The following BRAF variants were observed in gnomAD, a reference collection of about 807,000 sequenced individuals.
BRAF encodes B-Raf proto-oncogene, serine/threonine kinase, also known as serine/threonine-protein kinase B-raf.
Under a neutral mutation model 104.6 loss-of-function variants are expected in BRAF, and 16 were observed. That is an observed-to-expected ratio of 0.15 (90% CI 0.10 to 0.23). The LOEUF is 0.23. Among genes scored for constraint, BRAF ranks in the 10% least tolerant of loss-of-function variants. BRAF has a pLI of 1.00. For missense variants in BRAF, 541 were observed against 937.3 expected (o/e 0.58, Z 5.52); for synonymous variants, 310 against 341.6 (o/e 0.91, Z 1.02).
At position 140,739,958 on chromosome 7, in the gene BRAF, A is replaced by G. The variant is rs984889160; in HGVS notation, c.2113-12T>C. The G allele has an allele frequency of 1.2e-6, 2 of 1,612,092 alleles. No individual in the cohort carries two copies. The highest frequency in any genetic ancestry group is 1.7e-5 in the Admixed American group (1 of 59,982). Reference sequence around the variant, plus strand: ...ACCATAAAAATTATCTGGAGAGAGAAAAAAAAGGGAAATAATTCAACCTTG... The same window carrying G: ...ACCATAAAAATTATCTGGAGAGAGAGAAAAAAGGGAAATAATTCAACCTTG... On this transcript the variant is annotated splice_polypyrimidine_tract_variant and intron_variant, in intron 17 of 19. Coordinates refer to ENST00000644969, the MANE Select transcript of BRAF (RefSeq NM_001374258.1).
chr7:140,893,854 G>C lies in BRAF; in HGVS notation c.138+30712C>G, dbSNP rs551473143. ...ACTGAAAAAACAAAATTGAAGAACA[G>C]ATGAAATGGGAGATGAGGCAGGAGG... is the stretch of plus-strand genomic sequence containing the variant. On this transcript the variant is annotated intron_variant, in intron 1 of 19. Coordinates refer to ENST00000644969, the MANE Select transcript of BRAF (RefSeq NM_001374258.1). Among the ~76,000 whole-genome samples the C allele has an allele frequency of 7.9e-5, 12 of 152,228 alleles. No individual in the cohort carries two copies. The South Asian group carries it at 1.5e-3, about 18-fold the overall frequency.
At chr7:140,810,582 A>G (rs1804152910) in intron 3 of BRAF, among the ~76,000 whole-genome samples, 1 of 152,118 alleles carries the variant, frequency 6.6e-6, no homozygotes. Flanking sequence ...ACAAACAAAG[A>G]AAAACCCTGA....
In BRAF at chr7:140,722,953, A is replaced by G; in HGVS notation, c.*3541T>C. 2 of 1,054,812 alleles carry G rather than the reference A, an allele frequency of 1.9e-6. No homozygotes were observed. Among genetic ancestry groups the G allele is most frequent in the African/African-American group, 3.3e-5 (2 of 60,564 alleles). 65.3% of individuals were successfully genotyped at this position (1,054,812 alleles called of 1,614,324 possible). A position where few individuals can be genotyped will look rare whatever the true frequency, so the allele number is the denominator to read the frequency against. ...GCTTAAATGTATAATGCCCTTTAGG[A>G]CAAAATGAGAGTGCTCAAATACAAG... is the stretch of plus-strand genomic sequence containing the variant. On this transcript the variant is annotated 3_prime_UTR_variant, in exon 20 of 20. Coordinates refer to ENST00000644969, the MANE Select transcript of BRAF (RefSeq NM_001374258.1).
In BRAF at chr7:140,924,426, G is replaced by T. The variant is rs1818630314; in HGVS notation, c.138+140C>A. On this transcript the variant is annotated intron_variant, in intron 1 of 19. Transcript: ENST00000644969. This position sits in a 1 kb window ranked among gnomAD's most constrained non-coding sequence, Gnocchi z 4.2. ...TGACGGAGAGGGACACGGGGGCGAT[G>T]CCCACCTCCCAGCCCGCGGAGCTGG... 1 of 1,268,044 alleles carries T rather than the reference G, an allele frequency of 7.9e-7. No individual in the cohort carries two copies. Among genetic ancestry groups the T allele is most frequent in the Non-Finnish European group, 1.1e-6 (1 of 916,234 alleles). 78.5% of individuals were successfully genotyped at this position (1,268,044 alleles called of 1,614,324 possible). A position where few individuals can be genotyped will look rare whatever the true frequency, so the allele number is the denominator to read the frequency against.
At chr7:140,900,007 G>C (rs971912716) in intron 1 of BRAF, among the ~76,000 whole-genome samples, 2 of 152,222 alleles carry the variant, frequency 1.3e-5, no homozygotes, top group African/African-American at 4.8e-5. Context: ...GGAGCACAAA[G>C]CAGTCAAGCC....
chr7:140,856,057 GAAGA>G (rs948055094), intron 1 of BRAF, among the ~76,000 whole-genome samples: 1 of 150,528 alleles, frequency 6.6e-6, no homozygotes, highest in African/African-American at 2.4e-5. Context: ...TCCAAACTGT[GAAGA>G]AAGGCATCAA....
chr7:140,809,103 A>AG, intron 3 of BRAF, 108 bp from the exon 4 acceptor site: 1 of 799,266 alleles, frequency 1.3e-6, no homozygotes, highest in Non-Finnish European at 2.1e-6. Flanking sequence ...ATGGGTTACT[A>AG]GGTCAGATAC....
intron 17 of BRAF, among the ~76,000 whole-genome samples, chr7:140,741,893 G>A (rs987050771): frequency 2.6e-5 from 4 of 151,782 alleles, no homozygotes; most frequent in Non-Finnish European, 2.9e-5. Context: ...GGAGGCAGAG[G>A]TTGCAGTGAG....
At chr7:140,758,729 A>G (rs1229401578) in intron 14 of BRAF, among the ~76,000 whole-genome samples, 1 of 152,238 alleles carries the variant, frequency 6.6e-6, no homozygotes, top group Non-Finnish European at 1.5e-5. Context: ...TGCTAGAATT[A>G]TAGGTGTAAG....
intron 14 of BRAF, among the ~76,000 whole-genome samples, chr7:140,760,909 C>T: frequency 6.6e-6 from 1 of 152,132 alleles, no homozygotes; most frequent in Non-Finnish European, 1.5e-5. Context: ...AAATCTACGT[C>T]TGATTAGTGT....
intron 1 of BRAF, among the ~76,000 whole-genome samples, chr7:140,864,574 A>T (rs1436187534): frequency 6.6e-6 from 1 of 152,242 alleles, no homozygotes; most frequent in African/African-American, 2.4e-5. Context: ...TGGGGATCAT[A>T]AACATTTACA....
intron 3 of BRAF, among the ~76,000 whole-genome samples, chr7:140,831,602 T>C (rs973356256): frequency 6.6e-6 from 1 of 152,184 alleles, no homozygotes; most frequent in Non-Finnish European, 1.5e-5. Flanking sequence ...GGAGGCAACA[T>C]TCACATCTCT....
At position 140,749,425 on chromosome 7, in the gene BRAF, G is replaced by C. The variant is rs1043753843; in HGVS notation, c.1981-7C>G. 3.1e-6 allele frequency: 5 copies of C among 1,612,270 alleles called. No individual in the cohort carries two copies. The highest frequency in any genetic ancestry group is 4.2e-6 in the Non-Finnish European group (5 of 1,179,060). On this transcript the variant is annotated splice_region_variant and splice_polypyrimidine_tract_variant and intron_variant, in intron 16 of 19. Transcript: ENST00000644969. The stretch of plus-strand genomic sequence containing the variant: ...TTCTGATGACTTCTGGTGCCTGTTA[G>C]AACATACAAAGAAAAATATTCTTCA...
At chr7:140,888,133 A>G (rs1039667619) in intron 1 of BRAF, among the ~76,000 whole-genome samples, 30 of 152,294 alleles carry the variant, frequency 2.0e-4, no homozygotes, top group African/African-American at 6.7e-4. Flanking sequence ...TCGGCCTTCC[A>G]AAGTGCTGGG....
chr7:140,814,909 G>C (rs1008135895), intron 3 of BRAF, among the ~76,000 whole-genome samples: 1 of 149,788 alleles, frequency 6.7e-6, no homozygotes, highest in Admixed American at 6.7e-5. Flanking sequence ...CATCAAAATT[G>C]TTATATGTTT....
At chr7:140,775,706 T>C (rs932872967) in intron 14 of BRAF, among the ~76,000 whole-genome samples, 3 of 152,248 alleles carry the variant, frequency 2.0e-5, no homozygotes, top group Non-Finnish European at 4.4e-5. Context: ...TCTGAAACGT[T>C]GAGATTGTTT....
chr7:140,721,980 A>T lies in BRAF; in HGVS notation c.*4514T>A. ...AGTACTCTGGAAACTGATAAAACCAAATTCGGTCCTATATTTCAATTTCCC... is the reference window on the plus strand; with the variant it reads ...AGTACTCTGGAAACTGATAAAACCATATTCGGTCCTATATTTCAATTTCCC... On this transcript the variant is annotated 3_prime_UTR_variant, in exon 20 of 20. Transcript: ENST00000644969. 1 of 1,205,668 alleles carries T rather than the reference A, an allele frequency of 8.3e-7. No homozygotes were observed. The highest frequency in any genetic ancestry group is 1.0e-6 in the Non-Finnish European group (1 of 971,618). 74.7% of individuals were successfully genotyped at this position (1,205,668 alleles called of 1,614,324 possible). A position where few individuals can be genotyped will look rare whatever the true frequency, so the allele number is the denominator to read the frequency against.
chr7:140,854,706 G>A (rs1479422755), intron 1 of BRAF, among the ~76,000 whole-genome samples: 1 of 152,160 alleles, frequency 6.6e-6, no homozygotes, highest in Non-Finnish European at 1.5e-5. Flanking sequence ...AGCACTTTGG[G>A]AGGATGAGGC....
At chr7:140,842,400 T>G (rs562915671) in intron 2 of BRAF, among the ~76,000 whole-genome samples, 1 of 152,294 alleles carries the variant, frequency 6.6e-6, no homozygotes, top group South Asian at 2.1e-4. Flanking sequence ...TAGTAAATAC[T>G]CAGTAAATGT....
Sources: allele counts gnomAD v4.1 joint callset (sites outside exome capture counted in the v4.1 genomes callset), GRCh38; gene constraint gnomAD v4.1.1; non-coding constraint Gnocchi (gnomAD v3.1); transcripts MANE v1.5; gene names NCBI Gene and HGNC (gene_info 2026-07-23, HGNC 2026-07-21).